Variants in DHX37 observed in about 807,000 individuals in gnomAD.
DHX37 encodes the protein probable ATP-dependent RNA helicase DHX37.
In DHX37, 52 loss-of-function variants were observed where a neutral mutation model predicts 134.3. The observed-to-expected ratio is 0.39, with a 90% CI of 0.31 to 0.49. The LOEUF is 0.49. Ranked by LOEUF, DHX37 falls within the 20% of genes least tolerant of loss-of-function variation. DHX37 has a pLI of 0.93. For missense variants in DHX37, 1,344 were observed against 1,580.8 expected, an observed-to-expected ratio of 0.85 and a Z score of 2.54; for synonymous variants, 634 against 670.7, an observed-to-expected ratio of 0.95 and a Z score of 0.85.
At position 124,980,732 on chromosome 12, in the gene DHX37, C is replaced by T; in HGVS notation, c.496G>A (p.Glu166Lys). 6.4e-7 allele frequency: 1 copy of T among 1,554,662 alleles called. No individual in the cohort carries two copies. The highest frequency in any genetic ancestry group is 8.7e-7 in the Non-Finnish European group (1 of 1,151,404). The change falls in exon 4 of 27, where the codon GAG (glutamate) becomes AAG (lysine). Residue 166 changes from glutamate to lysine, a missense_variant. Around this residue, in one of 7 missense-constraint regions of DHX37, gnomAD observed 319 missense variants for 296.1 expected, o/e 1.08. Transcript: ENST00000308736. The surrounding 1 kb of genome is among the most constrained non-coding windows in gnomAD (Gnocchi z 5.3). The stretch of plus-strand genomic sequence containing the variant: ...TCCAGCTCCGATTCCGACTCCTCCT[C>T]CTCCTCCTCCTCCTCCTCAGCTGAG... ...WPSAEEEEEE[E>K]EESESELEEE...
At chr12:124,962,870 C>T (rs1219749289) in intron 15 of DHX37, among the ~76,000 whole-genome samples, 4 of 151,934 alleles carry the variant, frequency 2.6e-5, no homozygotes, top group Non-Finnish European at 1.5e-5. Flanking sequence ...CTGGTGAGGA[C>T]GTGAAGAAAC....
rs763109700 is a variant in DHX37, at chr12:124,952,481, C to T, written c.2785G>A (p.Val929Met). 7 of 1,611,422 alleles carry T rather than the reference C, an allele frequency of 4.3e-6. No homozygotes were observed. The highest frequency in any genetic ancestry group is 2.2e-5 in the East Asian group (1 of 44,702). The change falls in exon 21 of 27, where the codon GTG becomes ATG. Residue 929 changes from valine to methionine, a missense_variant. Val to Met is a conservative substitution (Grantham distance 21). This residue lies in a region of DHX37 where 558 missense variants were observed against 650.0 expected (regional missense o/e 0.86). Transcript: ENST00000308736. The part of the protein sequence containing the change: ...ESQVTYLRQI[V>M]TAGLGDHLAR... ...AAGTGGTCCCCCAGGCCTGCCGTCA[C>T]GATCTGTCGCAGGTAGGTCACCTGG... is the stretch of plus-strand genomic sequence containing the variant.
intron 20 of DHX37, 184 bp from the exon 21 acceptor site, chr12:124,952,754 C>G (rs75655987): frequency 0.021 from 9,937 of 467,974 alleles, 831 homozygotes; most frequent in African/African-American, 0.18. Context: ...AGCCGCCCCC[C>G]CATTCCCTCC....
At chr12:124,986,660 G>C (rs574135979) in intron 1 of DHX37, among the ~76,000 whole-genome samples, 1 of 151,828 alleles carries the variant, frequency 6.6e-6, no homozygotes, top group Non-Finnish European at 1.5e-5. Flanking sequence ...GCAGTGAGCC[G>C]AGATCTTGCC....
At position 124,980,523 on chromosome 12, in the gene DHX37, G is replaced by A. The variant is rs576363698; in HGVS notation, c.705C>T (p.Val235=). 5 of 1,611,790 alleles carry A rather than the reference G, an allele frequency of 3.1e-6. No individual in the cohort carries two copies. Among genetic ancestry groups the A allele is most frequent in the Admixed American group, 3.4e-5 (2 of 59,406 alleles). ...CCGGGGAGCGGTTCACGGGGATGAA[G>A]ACGGCGGGCTTAGCCAGGGCCCTGG... ...PLPRALAKPA[V]FIPVNRSPEM... Residue 235 remains valine, a synonymous_variant, in exon 4 of 27, where the codon GTC becomes GTT. Coordinates refer to ENST00000308736, the MANE Select transcript of DHX37 (RefSeq NM_032656.4). This position sits in a 1 kb window ranked among gnomAD's most constrained non-coding sequence, Gnocchi z 5.3.
At position 124,961,302 on chromosome 12, in the gene DHX37, G is replaced by A. The variant is rs527854490; in HGVS notation, c.2046-879C>T. On this transcript the variant is annotated intron_variant, in intron 15 of 26. Transcript: ENST00000308736. ...CGCACACACACTTACACGCGTGCAC[G>A]CACGCACACACACTTACATACACAC... is the stretch of plus-strand genomic sequence containing the variant. Among the ~76,000 whole-genome samples the A allele has an allele frequency of 1.1e-4, 16 of 139,788 alleles. No individual in the cohort carries two copies. In the South Asian group the frequency reaches 2.0e-3, roughly 17 times the overall value. The allele number at this position is 139,788 out of a possible 152,430, so 91.7% of individuals were successfully genotyped here. A position where few individuals can be genotyped will look rare whatever the true frequency, so the allele number is the denominator to read the frequency against.
intron 4 of DHX37, among the ~76,000 whole-genome samples, chr12:124,978,625 GT>G (rs911842161): frequency 7.2e-6 from 1 of 138,186 alleles, no homozygotes; most frequent in Non-Finnish European, 1.6e-5. Context: ...GCCTCCATTT[GT>G]TTTTTTTAAA....
In DHX37 at chr12:124,964,564, C is replaced by T. The variant is rs755123191; in HGVS notation, c.1875G>A (p.Thr625=). 15 of 1,613,286 alleles carry T rather than the reference C, an allele frequency of 9.3e-6. No homozygotes were observed. The East Asian group carries it at 1.1e-4, about 12-fold the overall frequency. Residue 625 remains threonine, a synonymous_variant, in exon 15 of 27, where the codon ACG becomes ACA. Coordinates refer to ENST00000308736, the MANE Select transcript of DHX37 (RefSeq NM_032656.4). ...LCVVATNVAE[T]SLTIPGIKYV... ...ACTTGATGCCAGGGATGGTAAGCGACGTCTCGGCCACATTGGTGGCCACAA... is the reference window on the plus strand; with the variant it reads ...ACTTGATGCCAGGGATGGTAAGCGATGTCTCGGCCACATTGGTGGCCACAA...
chr12:124,985,980 C>G, intron 2 of DHX37, 116 bp downstream of exon 2: 8 of 1,340,710 alleles, frequency 6.0e-6, no homozygotes, highest in South Asian at 5.5e-5. Context: ...TGGAATTTTC[C>G]TCATTCCAGA....
Position 124,953,972 on chromosome 12 carries a change from G to C in DHX37, c.2603C>G (p.Ala868Gly), listed in dbSNP as rs748815708. ...LLGAVGACEY[A>G]SCTPQFCEAN... ...TTCGCAAAACTGGGGTGTGCAGCTG[G>C]CATACTCACAGGCTCCCACGGCGCC... The change falls in exon 20 of 27, where the codon GCC (alanine) becomes GGC (glycine). Residue 868 changes from alanine (A) to glycine (G), a missense_variant. Physicochemically the swap from Ala to Gly is moderately conservative, Grantham distance 60. Around this residue, in one of 7 missense-constraint regions of DHX37, gnomAD observed 558 missense variants for 650.0 expected, o/e 0.86. Transcript: ENST00000308736. 6.2e-7 allele frequency: 1 copy of C among 1,613,460 alleles called. No homozygotes were observed. The highest frequency in any genetic ancestry group is 1.3e-5 in the African/African-American group (1 of 74,922).
In DHX37 at chr12:124,977,482, C is replaced by T; in HGVS notation, c.747G>A (p.Arg249=). 1.9e-6 allele frequency: 3 copies of T among 1,599,416 alleles called. No individual in the cohort carries two copies. The highest frequency in any genetic ancestry group is 2.6e-6 in the Non-Finnish European group (3 of 1,174,350). The stretch of plus-strand genomic sequence containing the variant: ...CTTCGGAGAGAATTGGGAGCTTCAG[C>T]CGTTCCTCCTGGAAGGAGAGGAAGT... The part of the protein sequence containing the change: ...VNRSPEMQEE[R]LKLPILSEEQ... The change falls in exon 5 of 27, where the codon CGG becomes CGA. Residue 249 remains arginine (R), a synonymous_variant. Coordinates refer to ENST00000308736, the MANE Select transcript of DHX37 (RefSeq NM_032656.4).
At chr12:124,971,729 C>T (rs903635479) in intron 7 of DHX37, among the ~76,000 whole-genome samples, 2 of 152,190 alleles carry the variant, frequency 1.3e-5, no homozygotes, top group Non-Finnish European at 2.9e-5. Flanking sequence ...ATCACCTTTG[C>T]CATCCCCCTG....
At chr12:124,969,175 T>A (rs535209729) in intron 8 of DHX37, among the ~76,000 whole-genome samples, 128 of 152,254 alleles carry the variant, frequency 8.4e-4, no homozygotes, top group Middle Eastern at 3.4e-3. Context: ...AGGGGGTCTT[T>A]CAGAGTCAGG....
chr12:124,976,752 C>T (rs796466077), intron 5 of DHX37, among the ~76,000 whole-genome samples: 7 of 151,134 alleles, frequency 4.6e-5, no homozygotes, highest in African/African-American at 1.5e-4. Flanking sequence ...ATGGCGTGAA[C>T]CCGGGAGGCG....
At chr12:124,983,019 G>A (rs1954787237) in intron 2 of DHX37, among the ~76,000 whole-genome samples, 1 of 152,226 alleles carries the variant, frequency 6.6e-6, no homozygotes, top group African/African-American at 2.4e-5. Flanking sequence ...GCAATGCTGT[G>A]TGCAGGGGGT....
intron 16 of DHX37, among the ~76,000 whole-genome samples, chr12:124,958,433 C>A (rs755087582): frequency 2.0e-5 from 3 of 152,124 alleles, no homozygotes; most frequent in Non-Finnish European, 4.4e-5. Flanking sequence ...GTGCTCCCAG[C>A]CACACTGAGC....
intron 2 of DHX37, among the ~76,000 whole-genome samples, chr12:124,984,102 C>T (rs1193310477): frequency 6.6e-6 from 1 of 152,354 alleles, no homozygotes; most frequent in African/African-American, 2.4e-5. Context: ...TGTCACAGCC[C>T]AAAATGTCTC....
intron 15 of DHX37, among the ~76,000 whole-genome samples, chr12:124,961,241 C>A (rs1594483943): frequency 7.1e-6 from 1 of 140,822 alleles, no homozygotes; most frequent in Non-Finnish European, 1.5e-5. Context: ...CACACACATA[C>A]ACGCGTGCAC....
At chr12:124,956,964 C>T in intron 17 of DHX37, 65 bp downstream of exon 17, 1 of 1,526,482 alleles carries the variant, frequency 6.6e-7, no homozygotes, top group Non-Finnish European at 8.8e-7. Flanking sequence ...GCAGCTCAGG[C>T]CCAGCAAAAG....
Sources: gnomAD v4.1 joint callset for allele counts (sites outside exome capture counted in the v4.1 genomes callset) on GRCh38, gnomAD v4.1.1 for gene constraint, gnomAD v4.1.1 regional missense constraint, Gnocchi (gnomAD v3.1) non-coding constraint, MANE v1.5 for transcripts, NCBI Gene and HGNC (gene_info 2026-07-23, HGNC 2026-07-21) for gene names.